The following FBXO34 variants were observed in gnomAD, a reference collection of about 807,000 sequenced individuals.
FBXO34 encodes F-box protein 34.
Under a neutral mutation model 24.5 loss-of-function variants are expected in FBXO34, and 12 were observed. The ratio of observed to expected loss-of-function variants is 0.49; its 90% CI spans 0.31 to 0.79. The LOEUF is 0.79. Ranked by LOEUF, FBXO34 falls within the 30% of genes least tolerant of loss-of-function variation. The probability of loss-of-function intolerance (pLI) is 0.04; values close to 1 mark genes in which losing one functional copy is unlikely to be tolerated. For synonymous variants in FBXO34, 320 were observed against 311.9 expected, an observed-to-expected ratio of 1.03 and a Z score of -0.27; for missense variants, 823 against 857.7, an observed-to-expected ratio of 0.96 and a Z score of 0.51.
chr14:55,364,458 T>C (rs1485776837), downstream of FBXO34, among the ~76,000 whole-genome samples: 1 of 151,706 alleles, frequency 6.6e-6, no homozygotes, highest in Non-Finnish European at 1.5e-5. Flanking sequence ...AGATGGAGTC[T>C]TTGTCGCCCA....
At chr14:55,407,164 C>G in the FBXO34 span, among the ~76,000 whole-genome samples, 1 of 152,066 alleles carries the variant, frequency 6.6e-6, no homozygotes, top group East Asian at 1.9e-4. Context: ...GAGTCTCGCT[C>G]TCTCGCCAGG....
chr14:55,416,511 A>G, the FBXO34 span, among the ~76,000 whole-genome samples: 4 of 152,218 alleles, frequency 2.6e-5, no homozygotes, highest in Non-Finnish European at 5.9e-5. Flanking sequence ...TACTATCTGT[A>G]GGTCTTCACC....
chr14:55,307,174 A>T (rs1347937644), intron 1 of FBXO34, among the ~76,000 whole-genome samples: 1 of 152,214 alleles, frequency 6.6e-6, no homozygotes, highest in Non-Finnish European at 1.5e-5. Context: ...CTACAAATAA[A>T]AGGGTGTGAC....
chr14:55,437,045 A>G, the FBXO34 span: 1 of 1,593,182 alleles, frequency 6.3e-7, no homozygotes, highest in Non-Finnish European at 8.6e-7. Flanking sequence ...ACAGACAGAC[A>G]AAAACACAAC....
chr14:55,390,392 T>G, the FBXO34 span, among the ~76,000 whole-genome samples: 8,829 of 150,768 alleles, frequency 0.059, 323 homozygotes, highest in South Asian at 0.09. Flanking sequence ...TTTTTTCTTT[T>G]GAGACAGAGT....
chr14:55,410,410 A>AC, the FBXO34 span, among the ~76,000 whole-genome samples: 1 of 152,314 alleles, frequency 6.6e-6, no homozygotes, highest in East Asian at 1.9e-4. Flanking sequence ...TCCATCTCAT[A>AC]CCCCGTATTC....
At chr14:55,406,885 C>A in the FBXO34 span, among the ~76,000 whole-genome samples, 77 of 151,664 alleles carry the variant, frequency 5.1e-4, no homozygotes, top group Non-Finnish European at 1.2e-4. Context: ...TCTGCTTGGT[C>A]AGGAAAAGAA....
the FBXO34 span, among the ~76,000 whole-genome samples, chr14:55,388,534 G>T: frequency 0.058 from 8,860 of 152,192 alleles, 325 homozygotes; most frequent in South Asian, 0.09. Flanking sequence ...ACACTGCAAT[G>T]GCATATAACC....
At chr14:55,329,219 T>G (rs981918908) in intron 1 of FBXO34, among the ~76,000 whole-genome samples, 1 of 150,286 alleles carries the variant, frequency 6.7e-6, no homozygotes, top group Non-Finnish European at 1.5e-5. Flanking sequence ...TCAATTTAAT[T>G]TTATAGAATG....
the FBXO34 span, among the ~76,000 whole-genome samples, chr14:55,420,050 T>A: frequency 6.6e-6 from 1 of 152,126 alleles, no homozygotes; most frequent in Non-Finnish European, 1.5e-5. Context: ...TCACCTGAAA[T>A]TAGGCCCTTA....
Position 55,338,048 on chromosome 14 carries a change from C to CTT in FBXO34, c.-10-12315_-10-12314dup, listed in dbSNP as rs58194693. 2.4e-3 allele frequency among the ~76,000 whole-genome samples: 214 copies of CTT among 88,254 alleles called. 33 individuals carry two copies. In the East Asian group the frequency reaches 0.032, roughly 13 times the overall value. 57.9% of individuals were successfully genotyped at this position (88,254 alleles called of 152,430 possible). ...CAATTGGAGATAAGAGTATGTACTT[C>CTT]TTTTTTTTTTTTTTTTTTTGAGATG... On this transcript the variant is annotated intron_variant, in intron 1 of 1. Coordinates refer to ENST00000313833, the MANE Select transcript of FBXO34 (RefSeq NM_017943.4).
the FBXO34 span, chr14:55,440,497 G>A: frequency 6.2e-7 from 1 of 1,612,300 alleles, no homozygotes; most frequent in Non-Finnish European, 8.5e-7. Flanking sequence ...GAGGGTAAGC[G>A]CGGAGCGAGC....
At chr14:55,409,850 T>G in the FBXO34 span, among the ~76,000 whole-genome samples, 1 of 152,170 alleles carries the variant, frequency 6.6e-6, no homozygotes, top group Admixed American at 6.5e-5. Context: ...TAACTGTGGC[T>G]GCAATATGGA....
the FBXO34 span, among the ~76,000 whole-genome samples, chr14:55,440,812 G>A: frequency 9.5e-4 from 144 of 152,268 alleles, 3 homozygotes; most frequent in East Asian, 0.023. Context: ...TTTGCTCCCA[G>A]GAGAGAAATT....
At chr14:55,383,345 AT>A in the FBXO34 span, among the ~76,000 whole-genome samples, 3 of 152,084 alleles carry the variant, frequency 2.0e-5, no homozygotes, top group Non-Finnish European at 2.9e-5. Context: ...GAGGTCAGGA[AT>A]TCGAGATCAG....
Position 55,351,215 on chromosome 14 carries a change from A to G in FBXO34, c.825A>G (p.Glu275=). ...GNLEVGEPQS[E]PVRVLDMVAK... The stretch of plus-strand genomic sequence containing the variant: ...TTGAGGTTGGTGAACCACAGAGCGA[A>G]CCAGTCCGTGTCCTTGACATGGTAG... Residue 275 remains glutamate (E), a synonymous_variant, in exon 2 of 2, where the codon GAA becomes GAG. Coordinates refer to ENST00000313833, the MANE Select transcript of FBXO34 (RefSeq NM_017943.4). 6.2e-7 allele frequency: 1 copy of G among 1,614,182 alleles called. No homozygotes were observed. The highest frequency in any genetic ancestry group is 1.1e-5 in the South Asian group (1 of 91,082).
At chr14:55,357,008 G>T (rs918312287), downstream of FBXO34, among the ~76,000 whole-genome samples, 1 of 152,180 alleles carries the variant, frequency 6.6e-6, no homozygotes, top group South Asian at 2.1e-4. Context: ...AAAAGCTAGT[G>T]TTGCAATCTT....
intron 1 of FBXO34, among the ~76,000 whole-genome samples, chr14:55,281,546 C>T (rs1881543124): frequency 6.6e-6 from 1 of 152,130 alleles, no homozygotes; most frequent in Non-Finnish European, 1.5e-5. Flanking sequence ...GATAGTCCCA[C>T]CCTTCCTCTT....
At position 55,351,368 on chromosome 14, in the gene FBXO34, C is replaced by T. The variant is rs2140091499; in HGVS notation, c.978C>T (p.Gly326=). 2.5e-6 allele frequency: 4 copies of T among 1,614,170 alleles called. No individual in the cohort carries two copies. Among genetic ancestry groups the T allele is most frequent in the Non-Finnish European group, 3.4e-6 (4 of 1,180,042 alleles). ...LLANSTQADE[G]KTKKGVLEAP... is the part of the protein sequence containing the mutation. ...CAAATAGCACTCAGGCTGATGAAGG[C>T]AAAACAAAGAAAGGCGTCTTGGAGG... The change falls in exon 2 of 2, where the codon GGC becomes GGT. Residue 326 remains glycine (G), a synonymous_variant. Coordinates refer to ENST00000313833, the MANE Select transcript of FBXO34 (RefSeq NM_017943.4).
Sources: allele counts gnomAD v4.1 joint callset (sites outside exome capture counted in the v4.1 genomes callset), GRCh38; gene constraint gnomAD v4.1.1; transcripts MANE v1.5; gene names NCBI Gene and HGNC (gene_info 2026-07-23, HGNC 2026-07-21).